The following WNT5A variants were observed in gnomAD, a reference collection of about 807,000 sequenced individuals.
The protein encoded by WNT5A is protein Wnt-5a.
Under a neutral mutation model 42.1 loss-of-function variants are expected in WNT5A, and 9 were observed. That is an observed-to-expected ratio of 0.21 (90% CI 0.13 to 0.37). The LOEUF (loss-of-function observed/expected upper bound fraction) is 0.37, where lower values mean the gene tolerates loss of function less well. Ranked by LOEUF, WNT5A falls within the 10% of genes least tolerant of loss-of-function variation. The pLI is 1.00. For synonymous variants in WNT5A, 210 were observed against 210.0 expected (o/e 1.00, Z 0.00); for missense variants, 426 against 534.0 (o/e 0.80, Z 1.99).
chr3:55,504,239 A>T, the WNT5A span, among the ~76,000 whole-genome samples: 1 of 152,102 alleles, frequency 6.6e-6, no homozygotes, highest in South Asian at 2.1e-4. Flanking sequence ...ACTGCACTCC[A>T]GCCTGAGCGA....
the WNT5A span, among the ~76,000 whole-genome samples, chr3:55,500,229 A>G: frequency 6.6e-6 from 1 of 152,210 alleles, no homozygotes; most frequent in Non-Finnish European, 1.5e-5. Context: ...CACCTGGAAA[A>G]TCAAGAGCTT....
At chr3:55,498,342 T>C in the WNT5A span, among the ~76,000 whole-genome samples, 2 of 152,186 alleles carry the variant, frequency 1.3e-5, no homozygotes, top group African/African-American at 4.8e-5. Flanking sequence ...GGAATTATGC[T>C]AATCAGTGGG....
chr3:55,471,010 C>T (rs968114803), intron 4 of WNT5A, among the ~76,000 whole-genome samples: 2 of 152,146 alleles, frequency 1.3e-5, no homozygotes, highest in Non-Finnish European at 2.9e-5. Context: ...AGTAAAGGTG[C>T]CAGGATTTGA....
upstream of WNT5A, among the ~76,000 whole-genome samples, chr3:55,492,193 A>G (rs568824194): frequency 1.3e-5 from 2 of 150,770 alleles, no homozygotes; most frequent in South Asian, 4.3e-4. Flanking sequence ...TATATGTTAT[A>G]TTGACTATGA....
upstream of WNT5A, among the ~76,000 whole-genome samples, chr3:55,491,919 C>T (rs2051664002): frequency 6.6e-6 from 1 of 152,216 alleles, no homozygotes; most frequent in Non-Finnish European, 1.5e-5. Context: ...TCGGGGGCTT[C>T]CTCACAACCA....
intron 1 of WNT5A, among the ~76,000 whole-genome samples, chr3:55,484,843 A>C (rs1296568348): frequency 6.6e-6 from 1 of 151,992 alleles, no homozygotes; most frequent in African/African-American, 2.4e-5. Flanking sequence ...TGATAGTCCA[A>C]CCCCCACTCT....
chr3:55,493,178 A>T (rs2051680460), upstream of WNT5A, among the ~76,000 whole-genome samples: 1 of 152,180 alleles, frequency 6.6e-6, no homozygotes, highest in Admixed American at 6.5e-5. Flanking sequence ...AAAGGAATGA[A>T]TGAGGGCCTG....
chr3:55,495,990 T>C, the WNT5A span, among the ~76,000 whole-genome samples: 2 of 152,220 alleles, frequency 1.3e-5, no homozygotes, highest in Non-Finnish European at 2.9e-5. Context: ...ATTTTTTAAC[T>C]TTTCAAGAAT....
chr3:55,472,172 A>G (rs1399708179), intron 4 of WNT5A, among the ~76,000 whole-genome samples: 5 of 152,102 alleles, frequency 3.3e-5, no homozygotes, highest in Middle Eastern at 3.2e-3. Context: ...CACTACTCCA[A>G]TGATCAAATT....
In WNT5A at chr3:55,469,720, T is replaced by TATG. The variant is rs2106883980; in HGVS notation, c.*369_*371dup. ...TTTCAACTGGAACCTACCCATCCCA[T>TATG]ATGATGGCATATTTGAGAAAAAGAA... On this transcript the variant is annotated 3_prime_UTR_variant, in exon 5 of 5. Coordinates refer to ENST00000264634, the MANE Select transcript of WNT5A (RefSeq NM_003392.7). 5.6e-6 allele frequency: 1 copy of TATG among 177,166 alleles called. No individual in the cohort carries two copies. Among genetic ancestry groups the TATG allele is most frequent in the East Asian group, 1.6e-4 (1 of 6,164 alleles). The allele number at this position is 177,166 out of a possible 1,614,324, so 11.0% of individuals were successfully genotyped here. A position where few individuals can be genotyped will look rare whatever the true frequency, so the allele number is the denominator to read the frequency against.
chr3:55,476,470 G>T (rs1223856044), intron 3 of WNT5A, among the ~76,000 whole-genome samples: 1 of 152,168 alleles, frequency 6.6e-6, no homozygotes, highest in East Asian at 1.9e-4. Context: ...TGTGGCCCTG[G>T]ATGGGGGATT....
At chr3:55,501,733 A>T in the WNT5A span, 2 of 152,338 alleles carry the variant, frequency 1.3e-5, no homozygotes, top group South Asian at 4.1e-4. Context: ...GCCAAGAGAA[A>T]TCTATTCTTT....
rs1027604965 is a variant in WNT5A, at chr3:55,468,634, T to A, written c.*1458A>T. 4.0e-5 allele frequency: 6 copies of A among 149,526 alleles called. No homozygotes were observed. The highest frequency in any genetic ancestry group is 2.7e-4 in the Admixed American group (4 of 14,944). 9.3% of individuals were successfully genotyped at this position (149,526 alleles called of 1,614,324 possible). On this transcript the variant is annotated 3_prime_UTR_variant, in exon 5 of 5. Transcript: ENST00000264634. ...TGGCTGCAATGAGATATATTTATAT[T>A]TATATTTATATATATGTATATATAT... is the stretch of plus-strand genomic sequence containing the variant.
upstream of WNT5A, among the ~76,000 whole-genome samples, chr3:55,491,624 C>G (rs141302615): frequency 1.9e-3 from 290 of 152,318 alleles, 1 homozygote; most frequent in Admixed American, 3.2e-3. Flanking sequence ...AATCTACCCC[C>G]CTTTTATGCC....
intron 3 of WNT5A, among the ~76,000 whole-genome samples, chr3:55,476,460 T>C (rs557811261): frequency 9.9e-5 from 15 of 152,266 alleles, no homozygotes; most frequent in Admixed American, 4.6e-4. Flanking sequence ...CAGAAAATGC[T>C]GTGGCCCTGG....
the WNT5A span, among the ~76,000 whole-genome samples, chr3:55,497,149 T>C: frequency 6.6e-6 from 1 of 152,260 alleles, no homozygotes; most frequent in Non-Finnish European, 1.5e-5. Context: ...GAACAGGATC[T>C]AGAAGACAGT....
the WNT5A span, among the ~76,000 whole-genome samples, chr3:55,496,149 T>C: frequency 9.9e-6 from 1 of 100,978 alleles, no homozygotes; most frequent in African/African-American, 5.3e-5. Context: ...CAAGTCCTTT[T>C]AATTTTGTAT....
chr3:55,474,111 G>A (rs1325483688), intron 4 of WNT5A, among the ~76,000 whole-genome samples: 1 of 152,068 alleles, frequency 6.6e-6, no homozygotes, highest in Non-Finnish European at 1.5e-5. Flanking sequence ...GGAAAGGAAG[G>A]GAAGAGGGAG....
chr3:55,491,895 A>T (rs1480243960), upstream of WNT5A, among the ~76,000 whole-genome samples: 1 of 152,272 alleles, frequency 6.6e-6, no homozygotes, highest in African/African-American at 2.4e-5. Flanking sequence ...GAAGACAAAG[A>T]GGCCGGAAAG....
Sources: allele counts gnomAD v4.1 joint callset (sites outside exome capture counted in the v4.1 genomes callset), GRCh38; gene constraint gnomAD v4.1.1; transcripts MANE v1.5; gene names NCBI Gene and HGNC (gene_info 2026-07-23, HGNC 2026-07-21).